GALNT13: variants seen among roughly 807,000 people sequenced by gnomAD.
The protein encoded by GALNT13 is polypeptide N-acetylgalactosaminyltransferase 13, also known as UDP-GalNAc:polypeptide N-acetylgalactosaminyltransferase 13.
Under a neutral mutation model 64.2 loss-of-function variants are expected in GALNT13, and 28 were observed. The observed-to-expected ratio is 0.44, with a 90% CI of 0.32 to 0.60. The LOEUF is 0.60. Ranked by LOEUF, GALNT13 falls within the 20% of genes least tolerant of loss-of-function variation. The pLI is 0.05. For synonymous variants in GALNT13, 214 were observed against 224.6 expected (o/e 0.95, Z 0.42); for missense variants, 577 against 669.8 (o/e 0.86, Z 1.53).
the GALNT13 span, among the ~76,000 whole-genome samples, chr2:153,724,587 A>G: frequency 3.1e-4 from 35 of 112,212 alleles, no homozygotes; most frequent in Non-Finnish European, 5.2e-4. Context: ...AGAATCTACA[A>G]TGAACTCAAA....
chr2:154,282,518 G>A (rs1015035904), intron 8 of GALNT13, among the ~76,000 whole-genome samples: 6 of 151,956 alleles, frequency 3.9e-5, no homozygotes, highest in Non-Finnish European at 8.8e-5. Flanking sequence ...ATAAATATAT[G>A]GCCAAAAACA....
the GALNT13 span, among the ~76,000 whole-genome samples, chr2:153,369,020 A>G: frequency 8.5e-5 from 13 of 152,240 alleles, no homozygotes; most frequent in Non-Finnish European, 7.4e-5. Flanking sequence ...GCAGAAAGAC[A>G]TCTGGAAAAT....
chr2:154,053,078 A>G (rs1699724514), intron 3 of GALNT13, among the ~76,000 whole-genome samples: 1 of 152,100 alleles, frequency 6.6e-6, no homozygotes, highest in Non-Finnish European at 1.5e-5. Context: ...TTTCCTTTAG[A>G]TAAATCTTAA....
At chr2:154,054,733 A>T (rs1699813725) in intron 3 of GALNT13, among the ~76,000 whole-genome samples, 1 of 152,012 alleles carries the variant, frequency 6.6e-6, no homozygotes, top group South Asian at 2.1e-4. Flanking sequence ...AATTCATTCT[A>T]GTGGCCAAAA....
At chr2:154,422,041 C>T (rs980146822) in intron 11 of GALNT13, among the ~76,000 whole-genome samples, 1 of 151,964 alleles carries the variant, frequency 6.6e-6, no homozygotes, top group African/African-American at 2.4e-5. Context: ...GTAAGGACAG[C>T]AAGGACACTG....
chr2:153,694,749 A>G, the GALNT13 span, among the ~76,000 whole-genome samples: 1 of 152,222 alleles, frequency 6.6e-6, no homozygotes, highest in Non-Finnish European at 1.5e-5. Context: ...AATTTTAAAT[A>G]AAAATGAAAG....
intron 1 of GALNT13, among the ~76,000 whole-genome samples, chr2:153,879,206 TA>T (rs1686599352): frequency 1.3e-5 from 2 of 152,182 alleles, no homozygotes; most frequent in African/African-American, 4.8e-5. Context: ...CATTTAATCA[TA>T]AAGACCTTCA....
intron 3 of GALNT13, among the ~76,000 whole-genome samples, chr2:154,041,674 TATAGATACC>T (rs1288310670): frequency 1.4e-5 from 2 of 140,972 alleles, no homozygotes; most frequent in African/African-American, 4.9e-5. Context: ...AAAGAATTTA[TATAGATACC>T]ATAGACATTT....
At chr2:153,183,199 G>A in the GALNT13 span, among the ~76,000 whole-genome samples, 1 of 152,070 alleles carries the variant, frequency 6.6e-6, no homozygotes, top group Non-Finnish European at 1.5e-5. Flanking sequence ...ATCTCATTGT[G>A]GTTTTGATTT....
the GALNT13 span, among the ~76,000 whole-genome samples, chr2:153,731,601 T>C: frequency 6.6e-6 from 1 of 151,994 alleles, no homozygotes; most frequent in African/African-American, 2.4e-5. Flanking sequence ...GCATATTACA[T>C]GACACAGGAC....
the GALNT13 span, among the ~76,000 whole-genome samples, chr2:153,409,530 G>A: frequency 7.3e-5 from 11 of 151,650 alleles, no homozygotes; most frequent in Admixed American, 5.9e-4. Flanking sequence ...AAGAAAACAC[G>A]AAAAGTAAAA....
chr2:153,565,254 G>T, the GALNT13 span, among the ~76,000 whole-genome samples: 1 of 152,178 alleles, frequency 6.6e-6, no homozygotes, highest in Non-Finnish European at 1.5e-5. Flanking sequence ...AGAGGGGAAA[G>T]AAGAAAAGGA....
At chr2:153,337,375 T>C in the GALNT13 span, among the ~76,000 whole-genome samples, 5 of 152,240 alleles carry the variant, frequency 3.3e-5, no homozygotes, top group African/African-American at 7.2e-5. Flanking sequence ...TAAATTTCCT[T>C]TCCTTTCACT....
At chr2:153,884,805 A>ATATATATGTG (rs1687036368) in intron 1 of GALNT13, among the ~76,000 whole-genome samples, 2 of 133,642 alleles carry the variant, frequency 1.5e-5, no homozygotes, top group African/African-American at 3.0e-5. Flanking sequence ...ATATATATAT[A>ATATATATGTG]TGTGTGTGTG....
chr2:154,267,814 A>G (rs558029698), intron 8 of GALNT13, among the ~76,000 whole-genome samples: 1 of 152,360 alleles, frequency 6.6e-6, no homozygotes, highest in African/African-American at 2.4e-5. Flanking sequence ...TCAACTCAAT[A>G]AAAAATGAGC....
In GALNT13 at chr2:154,294,842, C is replaced by G. The variant is rs182251759; in HGVS notation, c.976-6567C>G. ...TTGGCCTGCAAATATAGGGCAGAAC[C>G]CCTGTGAAACTAGAGTCTTATGATC... On this transcript the variant is annotated intron_variant, in intron 8 of 12. Coordinates refer to ENST00000392825, the MANE Select transcript of GALNT13 (RefSeq NM_052917.4). 2.4e-3 allele frequency among the ~76,000 whole-genome samples: 367 copies of G among 152,228 alleles called. 1 individual carries two copies. Among genetic ancestry groups the G allele is most frequent in the Non-Finnish European group, 4.3e-3 (294 of 68,018 alleles).
chr2:153,990,787 T>C (rs1485500761), intron 3 of GALNT13, among the ~76,000 whole-genome samples: 1 of 152,202 alleles, frequency 6.6e-6, no homozygotes, highest in Non-Finnish European at 1.5e-5. Context: ...CTAAAAACTT[T>C]CTTCTGCAAA....
chr2:153,576,726 C>T, the GALNT13 span, among the ~76,000 whole-genome samples: 29 of 152,056 alleles, frequency 1.9e-4, no homozygotes, highest in Non-Finnish European at 3.1e-4. Context: ...GAGGGCTCCC[C>T]TGATTTTTAG....
the GALNT13 span, among the ~76,000 whole-genome samples, chr2:153,097,530 A>T: frequency 6.6e-6 from 1 of 152,158 alleles, no homozygotes; most frequent in East Asian, 1.9e-4. Flanking sequence ...TAATTTTATA[A>T]TAACCTAACA....
Sources: gnomAD v4.1 joint callset for allele counts (sites outside exome capture counted in the v4.1 genomes callset) on GRCh38, gnomAD v4.1.1 for gene constraint, MANE v1.5 for transcripts, NCBI Gene and HGNC (gene_info 2026-07-23, HGNC 2026-07-21) for gene names.